The following ANO10 variants were observed in gnomAD, a reference collection of about 807,000 sequenced individuals.
ANO10 encodes the protein anoctamin-10.
In ANO10, 77 loss-of-function variants were observed where a neutral mutation model predicts 74.7. The ratio of observed to expected loss-of-function variants is 1.03; its 90% confidence interval spans 0.86 to 1.25. The LOEUF (loss-of-function observed/expected upper bound fraction) is 1.25, where lower values mean the gene tolerates loss of function less well. ANO10 is among the 50% of genes most tolerant of loss of function. ANO10 has a pLI of 0.00. For missense variants in ANO10, 721 were observed against 778.1 expected, an observed-to-expected ratio of 0.93 and a Z score of 0.87; for synonymous variants, 279 against 284.9, an observed-to-expected ratio of 0.98 and a Z score of 0.21.
chr3:43,366,676 G>A lies in ANO10; in HGVS notation c.*230C>T. 1.7e-6 allele frequency: 1 copy of A among 597,648 alleles called. No homozygotes were observed. Among genetic ancestry groups the A allele is most frequent in the Non-Finnish European group, 3.0e-6 (1 of 333,964 alleles). The allele number at this position is 597,648 out of a possible 1,614,324, so 37.0% of individuals were successfully genotyped here. On this transcript the variant is annotated 3_prime_UTR_variant, in exon 13 of 13. Transcript: ENST00000292246. Reference sequence around the variant, plus strand: ...GGAGCAGCGTGTGGGGCCCGGGAAGGAACTGGGAAGGAGCAGACAGGGTGG... The same window carrying A: ...GGAGCAGCGTGTGGGGCCCGGGAAGAAACTGGGAAGGAGCAGACAGGGTGG...
At chr3:43,592,144 C>G (rs1048857179) in intron 4 of ANO10, among the ~76,000 whole-genome samples, 2 of 152,236 alleles carry the variant, frequency 1.3e-5, no homozygotes, top group African/African-American at 4.8e-5. Flanking sequence ...GGAGGCCTGC[C>G]AGCCTCTGTA....
intron 11 of ANO10, among the ~76,000 whole-genome samples, chr3:43,449,762 A>G (rs2074772985): frequency 6.6e-6 from 1 of 151,996 alleles, no homozygotes; most frequent in South Asian, 2.1e-4. Context: ...TGTGTTGGCT[A>G]TTTTGGGTCT....
chr3:43,466,375 A>AAAAAAC (rs2075617414), intron 11 of ANO10, among the ~76,000 whole-genome samples: 1 of 69,428 alleles, frequency 1.4e-5, no homozygotes, highest in African/African-American at 4.6e-5. Context: ...ATCTCAAAAA[A>AAAAAAC]AAAAAAAAAA....
chr3:43,629,619 A>G (rs1358268760), intron 1 of ANO10, among the ~76,000 whole-genome samples: 3 of 152,234 alleles, frequency 2.0e-5, no homozygotes, highest in Non-Finnish European at 4.4e-5. Context: ...GGGTGGTAGC[A>G]GTGGAACTGA....
At chr3:43,542,594 T>A (rs2079005129) in intron 11 of ANO10, among the ~76,000 whole-genome samples, 1 of 152,190 alleles carries the variant, frequency 6.6e-6, no homozygotes, top group Non-Finnish European at 1.5e-5. Flanking sequence ...GCCTGACACT[T>A]CTTGTGTACA....
At chr3:43,558,463 GGAGA>G (rs2149337470) in intron 9 of ANO10, among the ~76,000 whole-genome samples, 1 of 152,254 alleles carries the variant, frequency 6.6e-6, no homozygotes, top group South Asian at 2.1e-4. Context: ...ACAGCAATCA[GGAGA>G]CCCAGGGGAT....
chr3:43,407,574 GGTCAAGGAGAATGAT>G (rs1450268819), intron 12 of ANO10, among the ~76,000 whole-genome samples: 1 of 152,160 alleles, frequency 6.6e-6, no homozygotes, highest in African/African-American at 2.4e-5. Flanking sequence ...GGGATCACCA[GGTCAAGGAGAATGAT>G]GTCACTTTTT....
chr3:43,494,054 T>C (rs1199498152), intron 11 of ANO10, among the ~76,000 whole-genome samples: 2 of 152,182 alleles, frequency 1.3e-5, no homozygotes, highest in South Asian at 2.1e-4. Flanking sequence ...ATTTATTACA[T>C]GGTGAAATAA....
At chr3:43,574,182 C>T (rs952066131) in intron 7 of ANO10, among the ~76,000 whole-genome samples, 2 of 149,684 alleles carry the variant, frequency 1.3e-5, no homozygotes, top group African/African-American at 2.5e-5. Context: ...CTCAAACTCC[C>T]GGCCTCAAGT....
chr3:43,608,647 T>C (rs1003288519), intron 1 of ANO10, among the ~76,000 whole-genome samples: 2 of 152,150 alleles, frequency 1.3e-5, no homozygotes, highest in South Asian at 2.1e-4. Flanking sequence ...AGCGGTGTGA[T>C]CGTGGCTCAC....
chr3:43,396,566 T>C (rs1029310501), intron 12 of ANO10, among the ~76,000 whole-genome samples: 2 of 152,060 alleles, frequency 1.3e-5, no homozygotes, highest in African/African-American at 4.8e-5. Flanking sequence ...CTCGATCTCC[T>C]GACCTCGTGA....
chr3:43,574,352 C>A (rs1324527526), intron 7 of ANO10, among the ~76,000 whole-genome samples: 1 of 151,406 alleles, frequency 6.6e-6, no homozygotes. Context: ...CTCACTGCAA[C>A]CTCCACCTCC....
intron 1 of ANO10, among the ~76,000 whole-genome samples, chr3:43,610,001 A>T (rs1047299897): frequency 3.3e-5 from 5 of 152,192 alleles, no homozygotes; most frequent in Non-Finnish European, 7.3e-5. Context: ...AATATATTTT[A>T]AAAAGTTTTC....
At chr3:43,372,809 TGAATACCGTG>T in intron 12 of ANO10, 2 of 1,534,340 alleles carry the variant, frequency 1.3e-6, no homozygotes, top group Non-Finnish European at 1.7e-6. Context: ...TGGTGCTCCA[TGAATACCGTG>T]GAAGAGAGAC....
At chr3:43,474,619 A>C (rs1559586391) in intron 11 of ANO10, among the ~76,000 whole-genome samples, 1 of 152,372 alleles carries the variant, frequency 6.6e-6, no homozygotes, top group South Asian at 2.1e-4. Context: ...AAAAGAATGA[A>C]TGTATAAATA....
At position 43,668,516 on chromosome 3, in the gene ANO10, A is replaced by G. The variant is rs779854370; in HGVS notation, c.-12+23001T>C. On this transcript the variant is annotated intron_variant, in intron 1 of 3. Coordinates refer to the ANO10 transcript ENST00000413397. ...TTCTTTGCCTAAGCCAGTGTCTAGA[A>G]GAGTTTTTTCTGATGTTATCTTCTA... Among the ~76,000 whole-genome samples, 25 of 152,098 alleles carry G rather than the reference A, an allele frequency of 1.6e-4. 1 individual carries two copies. Among genetic ancestry groups the G allele is most frequent in the Non-Finnish European group, 3.1e-4 (21 of 68,012 alleles).
intron 1 of ANO10, among the ~76,000 whole-genome samples, chr3:43,666,333 T>G (rs2083991756): frequency 6.6e-6 from 1 of 152,162 alleles, no homozygotes; most frequent in East Asian, 1.9e-4. Flanking sequence ...GAGTATGAAT[T>G]ATCTCATTCT....
intron 1 of ANO10, among the ~76,000 whole-genome samples, chr3:43,670,812 C>T (rs576904186): frequency 8.6e-4 from 131 of 152,268 alleles, no homozygotes; most frequent in African/African-American, 3.0e-3. Flanking sequence ...AGCCACACTG[C>T]TAACTCTTTC....
rs555862583 is a variant in ANO10 at position 43,671,378 on chromosome 3, G to A, written c.-12+20139C>T. Among the ~76,000 whole-genome samples, 16 of 152,154 alleles carry A rather than the reference G, an allele frequency of 1.1e-4. No individual in the cohort carries two copies. In the East Asian group the frequency reaches 2.3e-3, roughly 22 times the overall value. On this transcript the variant is annotated intron_variant, in intron 1 of 3. Transcript: ENST00000413397. The stretch of plus-strand genomic sequence containing the variant: ...ACCGACAAAAATATTACCAACTGCC[G>A]CCGCTGATAAGGACTCTGTTGATCC...
Sources: gnomAD v4.1 joint callset for allele counts (sites outside exome capture counted in the v4.1 genomes callset) on GRCh38, gnomAD v4.1.1 for gene constraint, MANE v1.5 for transcripts, NCBI Gene and HGNC (gene_info 2026-07-23, HGNC 2026-07-21) for gene names.